The following LSM14A variants were observed in gnomAD, a reference collection of about 807,000 sequenced individuals.
The protein encoded by LSM14A is LSM14A mRNA processing body assembly factor, also known as protein LSM14 homolog A.
A neutral mutation model predicts 52.4 loss-of-function variants in LSM14A; 14 were observed. The ratio of observed to expected loss-of-function variants is 0.27; its 90% CI spans 0.18 to 0.42. The LOEUF is 0.42. Among genes scored for constraint, LSM14A ranks in the 10% least tolerant of loss-of-function variants. The pLI is 1.00. For missense variants in LSM14A, 417 were observed against 581.8 expected, an observed-to-expected ratio of 0.72 and a Z score of 2.91; for synonymous variants, 185 against 200.3, an observed-to-expected ratio of 0.92 and a Z score of 0.64.
At chr19:34,206,089 A>G (rs953706861) in intron 3 of LSM14A, among the ~76,000 whole-genome samples, 2 of 152,376 alleles carry the variant, frequency 1.3e-5, no homozygotes, top group South Asian at 2.1e-4. Flanking sequence ...CAATATCTCT[A>G]TATCTTCTAA....
intron 6 of LSM14A, among the ~76,000 whole-genome samples, chr19:34,216,857 T>C (rs1237619101): frequency 6.6e-6 from 1 of 152,256 alleles, no homozygotes; most frequent in African/African-American, 2.4e-5. Context: ...GTGGTTTTTA[T>C]GTTTTGTGTC....
At chr19:34,213,861 A>G (rs541289591) in intron 4 of LSM14A, among the ~76,000 whole-genome samples, 1 of 152,146 alleles carries the variant, frequency 6.6e-6, no homozygotes, top group Admixed American at 6.5e-5. Flanking sequence ...GCTCACTACA[A>G]CCTCTGCCTC....
At chr19:34,204,302 A>G (rs1434717296) in intron 3 of LSM14A, among the ~76,000 whole-genome samples, 1 of 152,242 alleles carries the variant, frequency 6.6e-6, no homozygotes, top group Admixed American at 6.5e-5. Context: ...AAACCACAAA[A>G]TAAACTTGAA....
rs2073411696 is a variant in LSM14A at position 34,227,679 on chromosome 19, A to AGTACTTCAGCAGTACTTCAGC, written c.*291_*292insGTACTTCAGCAGTACTTCAGC. 3.0e-6 allele frequency: 1 copy of AGTACTTCAGCAGTACTTCAGC among 337,538 alleles called. No individual in the cohort carries two copies. Among genetic ancestry groups the AGTACTTCAGCAGTACTTCAGC allele is most frequent in the Non-Finnish European group, 5.3e-6 (1 of 189,038 alleles). The allele number at this position is 337,538 out of a possible 1,614,324, so 20.9% of individuals were successfully genotyped here. On this transcript the variant is annotated 3_prime_UTR_variant, in exon 10 of 10. Coordinates refer to ENST00000544216, the MANE Select transcript of LSM14A (RefSeq NM_015578.4). Reference sequence around the variant, plus strand: ...AAGCAGTACTTCAGTGGGACTTAACAAGTATTTTTTCATCACTGAAAGGTT... The same window carrying AGTACTTCAGCAGTACTTCAGC: ...AAGCAGTACTTCAGTGGGACTTAACAGTACTTCAGCAGTACTTCAGCAGTATTTTTTCATCACTGAAAGGTT...
In LSM14A at chr19:34,172,651, G is replaced by T. The variant is rs1308778185; in HGVS notation, c.9G>T (p.Gly3=). 6.4e-7 allele frequency: 1 copy of T among 1,569,310 alleles called. No homozygotes were observed. The highest frequency in any genetic ancestry group is 1.8e-5 in the Admixed American group (1 of 54,152). Residue 3 remains glycine (G), a synonymous_variant, in exon 1 of 10, where the codon GGG becomes GGT. Coordinates refer to ENST00000544216, the MANE Select transcript of LSM14A (RefSeq NM_015578.4). ...GCGGCGGCGGCGGCGCCATGAGCGG[G>T]GGCACCCCTTACATCGGCAGCAAGA... MS[G]GTPYIGSKIS... is the part of the protein sequence containing the mutation.
chr19:34,185,831 T>C (rs2069865589), intron 1 of LSM14A, among the ~76,000 whole-genome samples: 1 of 152,232 alleles, frequency 6.6e-6, no homozygotes, highest in Non-Finnish European at 1.5e-5. Flanking sequence ...AAATACTAAC[T>C]GTAACTTTTT....
chr19:34,197,535 C>T (rs2070949016), intron 3 of LSM14A, among the ~76,000 whole-genome samples: 1 of 133,330 alleles, frequency 7.5e-6, no homozygotes, highest in Non-Finnish European at 1.5e-5. Flanking sequence ...ACCTCCCAGG[C>T]TTAAGCAGTG....
At chr19:34,189,203 A>G (rs762902256) in intron 1 of LSM14A, among the ~76,000 whole-genome samples, 1 of 152,230 alleles carries the variant, frequency 6.6e-6, no homozygotes, top group East Asian at 1.9e-4. Flanking sequence ...ATTCAGCTAC[A>G]TAATACTACT....
chr19:34,174,245 A>G (rs906508227), intron 1 of LSM14A, among the ~76,000 whole-genome samples: 2 of 152,208 alleles, frequency 1.3e-5, no homozygotes, highest in Non-Finnish European at 2.9e-5. Flanking sequence ...CACCGCGCCC[A>G]GCCTCTGGTA....
chr19:34,177,313 C>G (rs1254283738), intron 1 of LSM14A, among the ~76,000 whole-genome samples: 1 of 151,768 alleles, frequency 6.6e-6, no homozygotes, highest in African/African-American at 2.4e-5. Context: ...CCTTTTTGTG[C>G]TTTGCTTTTT....
intron 1 of LSM14A, among the ~76,000 whole-genome samples, chr19:34,180,338 G>A (rs189620619): frequency 3.9e-5 from 6 of 152,222 alleles, no homozygotes; most frequent in East Asian, 1.9e-4. Context: ...AAGAAAATGC[G>A]ACCCAAAATG....
intron 9 of LSM14A, among the ~76,000 whole-genome samples, chr19:34,222,759 TTATGCCATCCAGCC>T (rs2073133202): frequency 6.6e-6 from 1 of 152,318 alleles, no homozygotes; most frequent in East Asian, 1.9e-4. Context: ...AGTCACCAGC[TTATGCCATCCAGCC>T]GTTGGTGGCC....
rs574061759 is a variant in LSM14A, at chr19:34,204,330, G to A, written c.416-4599G>A. Among the ~76,000 whole-genome samples the A allele has an allele frequency of 3.3e-5, 5 of 152,210 alleles. No homozygotes were observed. In the East Asian group the frequency reaches 9.6e-4, roughly 29 times the overall value. On this transcript the variant is annotated intron_variant, in intron 3 of 9. Coordinates refer to ENST00000544216, the MANE Select transcript of LSM14A (RefSeq NM_015578.4). ...AACTTGAAATTAATAAAGTTAACTT[G>A]AAAAATCCCCAGATAATTTGGTATC...
chr19:34,182,946 C>G (rs2069602632), intron 1 of LSM14A, among the ~76,000 whole-genome samples: 1 of 151,990 alleles, frequency 6.6e-6, no homozygotes, highest in Admixed American at 6.6e-5. Context: ...CTTTCTAGCT[C>G]CATCTCAGAT....
chr19:34,211,090 G>A (rs1268013), intron 4 of LSM14A, among the ~76,000 whole-genome samples: 45,589 of 151,432 alleles, frequency 0.3, 7,402 homozygotes, highest in Non-Finnish European at 0.37. Context: ...ATCGCCTGAG[G>A]TCAGGGGTTC....
At chr19:34,215,352 C>T (rs559440284) in intron 5 of LSM14A, 52 bp downstream of exon 5, 206 of 1,473,660 alleles carry the variant, frequency 1.4e-4, no homozygotes, top group Non-Finnish European at 2.0e-5. Context: ...ATGTTTTCCA[C>T]TCACTTTATT....
At chr19:34,200,051 T>G (rs1344300175) in intron 3 of LSM14A, among the ~76,000 whole-genome samples, 1 of 152,154 alleles carries the variant, frequency 6.6e-6, no homozygotes, top group Non-Finnish European at 1.5e-5. Flanking sequence ...TCTCCTGTTG[T>G]GATGATTGGG....
At chr19:34,190,665 T>C (rs2145602365) in intron 1 of LSM14A, among the ~76,000 whole-genome samples, 1 of 152,262 alleles carries the variant, frequency 6.6e-6, no homozygotes, top group East Asian at 1.9e-4. Flanking sequence ...CAATTTTTGT[T>C]AAAATGTTGT....
At chr19:34,211,117 A>G (rs1210282902) in intron 4 of LSM14A, among the ~76,000 whole-genome samples, 1 of 151,582 alleles carries the variant, frequency 6.6e-6, no homozygotes, top group Non-Finnish European at 1.5e-5. Flanking sequence ...AGCCTGGCCA[A>G]CCAACATGGT....
Sources: gnomAD v4.1 joint callset for allele counts (sites outside exome capture counted in the v4.1 genomes callset) on GRCh38, gnomAD v4.1.1 for gene constraint, MANE v1.5 for transcripts, NCBI Gene and HGNC (gene_info 2026-07-23, HGNC 2026-07-21) for gene names.